PTPRD: variants seen among roughly 807,000 people sequenced by gnomAD.
PTPRD encodes the protein receptor-type tyrosine-protein phosphatase delta.
Under a neutral mutation model 214.5 loss-of-function variants are expected in PTPRD, and 34 were observed. The observed-to-expected ratio is 0.16, with a 90% confidence interval of 0.12 to 0.21. PTPRD has a LOEUF of 0.21. PTPRD is among the 10% of genes least tolerant of loss of function. The pLI is 1.00. For synonymous variants in PTPRD, 1,128 were observed against 845.7 expected, an observed-to-expected ratio of 1.33 and a Z score of -5.79; for missense variants, 2,545 against 2,398.7, an observed-to-expected ratio of 1.06 and a Z score of -1.27.
intron 11 of PTPRD, among the ~76,000 whole-genome samples, chr9:8,953,738 T>C (rs948435132): frequency 6.6e-6 from 1 of 151,828 alleles, no homozygotes; most frequent in African/African-American, 2.4e-5. Flanking sequence ...CCCACAAACA[T>C]ATGAAAAAAT....
At chr9:9,164,113 T>A (rs1303930032) in intron 10 of PTPRD, among the ~76,000 whole-genome samples, 1 of 152,190 alleles carries the variant, frequency 6.6e-6, no homozygotes, top group Non-Finnish European at 1.5e-5. Context: ...CACCAATTTT[T>A]TTTTGCTTAA....
chr9:10,188,428 G>C (rs1211399640), intron 3 of PTPRD, among the ~76,000 whole-genome samples: 1 of 152,022 alleles, frequency 6.6e-6, no homozygotes. Flanking sequence ...ATCCTTTATA[G>C]TTGTCTTTCC....
chr9:8,502,269 T>C (rs2097426453), intron 23 of PTPRD, among the ~76,000 whole-genome samples: 1 of 152,108 alleles, frequency 6.6e-6, no homozygotes, highest in South Asian at 2.1e-4. Context: ...ATAACACAAG[T>C]CCATACACAC....
intron 2 of PTPRD, among the ~76,000 whole-genome samples, chr9:10,582,218 A>T (rs1006216421): frequency 5.3e-5 from 8 of 152,194 alleles, no homozygotes; most frequent in Non-Finnish European, 7.3e-5. Context: ...TTTATCAACA[A>T]GAAGCAGCAT....
rs757253226 is a variant in PTPRD, at chr9:9,970,358, G to C, written c.-471-31748C>G. On this transcript the variant is annotated intron_variant, in intron 4 of 45. Transcript: ENST00000381196. ...CCAGCTACTCGGGAGGCTGAGGCAG[G>C]AGAATGGCGTGAACCCGGGAGGCGG... Among the ~76,000 whole-genome samples the C allele has an allele frequency of 4.0e-5, 6 of 149,946 alleles. No homozygotes were observed. In the South Asian group the frequency reaches 1.3e-3, roughly 32 times the overall value.
chr9:9,072,869 A>T (rs2099745778), intron 10 of PTPRD, among the ~76,000 whole-genome samples: 1 of 152,230 alleles, frequency 6.6e-6, no homozygotes, highest in South Asian at 2.1e-4. Context: ...ATTAATCTAG[A>T]AAACTGAATG....
chr9:9,300,820 A>G (rs1242177805), intron 9 of PTPRD, among the ~76,000 whole-genome samples: 2 of 151,876 alleles, frequency 1.3e-5, no homozygotes, highest in African/African-American at 4.8e-5. Context: ...TGTTATATCA[A>G]TCCATAATGA....
chr9:10,597,106 T>A (rs1467531141), intron 2 of PTPRD, among the ~76,000 whole-genome samples: 1 of 151,424 alleles, frequency 6.6e-6, no homozygotes, highest in Admixed American at 6.6e-5. Flanking sequence ...ATTTCACATA[T>A]ATATATTTCA....
At chr9:10,550,722 A>G (rs2061146177) in intron 2 of PTPRD, among the ~76,000 whole-genome samples, 2 of 152,202 alleles carry the variant, frequency 1.3e-5, no homozygotes, top group South Asian at 4.1e-4. Context: ...ACCCCATGAT[A>G]TGTGCTTCAG....
At chr9:9,019,757 C>G (rs537462860) in intron 10 of PTPRD, among the ~76,000 whole-genome samples, 52 of 152,154 alleles carry the variant, frequency 3.4e-4, no homozygotes, top group Non-Finnish European at 5.1e-4. Flanking sequence ...TTTTTATCAA[C>G]GTTGAGAAAG....
chr9:8,968,054 T>G (rs2099210432), intron 11 of PTPRD, among the ~76,000 whole-genome samples: 1 of 152,130 alleles, frequency 6.6e-6, no homozygotes, highest in African/African-American at 2.4e-5. Context: ...GGTTTCCAGC[T>G]TCATCCATGT....
chr9:10,343,737 G>C (rs1253096478), intron 2 of PTPRD, among the ~76,000 whole-genome samples: 2 of 150,686 alleles, frequency 1.3e-5, no homozygotes, highest in Non-Finnish European at 2.9e-5. Context: ...GTGATGATGA[G>C]CATTATTTTC....
intron 9 of PTPRD, among the ~76,000 whole-genome samples, chr9:9,282,667 C>T (rs1948123984): frequency 6.6e-6 from 1 of 151,404 alleles, no homozygotes; most frequent in Non-Finnish European, 1.5e-5. Context: ...TTTGACTGAA[C>T]TAACTTACTA....
intron 10 of PTPRD, among the ~76,000 whole-genome samples, chr9:9,135,912 T>C (rs773712135): frequency 6.6e-5 from 10 of 152,086 alleles, no homozygotes; most frequent in Non-Finnish European, 1.5e-4. Context: ...AGCTCATTAG[T>C]TTATGACAAC....
chr9:8,575,680 G>A (rs2092238302), intron 14 of PTPRD, among the ~76,000 whole-genome samples: 2 of 151,986 alleles, frequency 1.3e-5, no homozygotes, highest in African/African-American at 4.8e-5. Context: ...AAAACAAGAA[G>A]GCTCACTTTT....
chr9:10,121,372 G>C (rs66797828), intron 3 of PTPRD, among the ~76,000 whole-genome samples: 21,692 of 152,044 alleles, frequency 0.14, 1,637 homozygotes, highest in South Asian at 0.27. Context: ...ATTACATTTT[G>C]CTTAGGCTAA....
chr9:9,833,688 G>A (rs915961755), intron 5 of PTPRD, among the ~76,000 whole-genome samples: 1 of 149,108 alleles, frequency 6.7e-6, no homozygotes, highest in African/African-American at 2.5e-5. Flanking sequence ...CGGAGAGGGG[G>A]GCAGTTCAGA....
intron 11 of PTPRD, among the ~76,000 whole-genome samples, chr9:9,017,770 T>C (rs1021383003): frequency 6.6e-6 from 1 of 152,190 alleles, no homozygotes; most frequent in African/African-American, 2.4e-5. Context: ...TCAAGGCTTC[T>C]ATTTATAAAC....
chr9:10,203,297 T>C (rs2099441427), intron 3 of PTPRD, among the ~76,000 whole-genome samples: 2 of 151,870 alleles, frequency 1.3e-5, no homozygotes, highest in Admixed American at 6.6e-5. Context: ...GGTGTATAAA[T>C]TGAAAGTTGC....
Sources: gnomAD v4.1 joint callset for allele counts (sites outside exome capture counted in the v4.1 genomes callset) on GRCh38, gnomAD v4.1.1 for gene constraint, MANE v1.5 for transcripts, NCBI Gene and HGNC (gene_info 2026-07-23, HGNC 2026-07-21) for gene names.